Variants in PLCZ1 observed in about 807,000 individuals in gnomAD.
The protein encoded by PLCZ1 is phospholipase C zeta 1.
A neutral mutation model predicts 76.8 loss-of-function variants in PLCZ1; 64 were observed. The observed-to-expected ratio is 0.83, with a 90% CI of 0.68 to 1.03. The LOEUF (loss-of-function observed/expected upper bound fraction) is 1.03, where lower values mean the gene tolerates loss of function less well. Among genes scored for constraint, PLCZ1 ranks in the 50% least tolerant of loss-of-function variants. The pLI, the probability that PLCZ1 is intolerant of heterozygous loss-of-function variation, is 0.00. For synonymous variants in PLCZ1, 248 were observed against 230.8 expected (o/e 1.07, Z -0.68); for missense variants, 751 against 713.7 (o/e 1.05, Z -0.60).
At chr12:18,658,083 C>T in the PLCZ1 span, among the ~76,000 whole-genome samples, 1 of 152,018 alleles carries the variant, frequency 6.6e-6, no homozygotes, top group African/African-American at 2.4e-5. Flanking sequence ...TTCAGCAGTA[C>T]ACTTGAGCAG....
intron 7 of PLCZ1, among the ~76,000 whole-genome samples, chr12:18,703,774 C>T (rs754785787): frequency 1.3e-5 from 2 of 152,114 alleles, no homozygotes; most frequent in Non-Finnish European, 1.5e-5. Flanking sequence ...TCTTTGCTGT[C>T]TTGTGTGTCC....
intron 3 of PLCZ1, among the ~76,000 whole-genome samples, chr12:18,728,892 C>T (rs1289877644): frequency 6.6e-6 from 1 of 151,832 alleles, no homozygotes; most frequent in Admixed American, 6.6e-5. Flanking sequence ...TGTGGAGGAC[C>T]AACTAAAGTA....
chr12:18,651,107 T>C, the PLCZ1 span, among the ~76,000 whole-genome samples: 1 of 152,050 alleles, frequency 6.6e-6, no homozygotes, highest in African/African-American at 2.4e-5. Context: ...ATTTTAACTC[T>C]TATTATATCC....
chr12:18,713,827 T>C (rs1957625556), intron 5 of PLCZ1: 1 of 152,180 alleles, frequency 6.6e-6, no homozygotes, highest in Non-Finnish European at 1.5e-5. Context: ...TTTTTCTACC[T>C]AAAAAATAAA....
the PLCZ1 span, among the ~76,000 whole-genome samples, chr12:18,668,795 C>T: frequency 6.6e-6 from 1 of 152,126 alleles, no homozygotes; most frequent in Non-Finnish European, 1.5e-5. Flanking sequence ...TCACCTCAGG[C>T]CTGCCCAGCT....
chr12:18,659,440 G>A, the PLCZ1 span, among the ~76,000 whole-genome samples: 1 of 152,132 alleles, frequency 6.6e-6, no homozygotes, highest in Non-Finnish European at 1.5e-5. Context: ...TGCATACTTA[G>A]AGATGATGTT....
At chr12:18,659,527 G>A in the PLCZ1 span, among the ~76,000 whole-genome samples, 1 of 152,012 alleles carries the variant, frequency 6.6e-6, no homozygotes, top group Non-Finnish European at 1.5e-5. Flanking sequence ...ATCATTTAAT[G>A]CATAGACTTC....
chr12:18,719,392 T>A, intron 5 of PLCZ1, 39 bp downstream of exon 5: 1 of 1,235,362 alleles, frequency 8.1e-7, no homozygotes, highest in Non-Finnish European at 1.1e-6. Flanking sequence ...AACTTCCAAG[T>A]ATTTTTAAAT....
chr12:18,662,939 A>G, the PLCZ1 span, among the ~76,000 whole-genome samples: 1 of 152,142 alleles, frequency 6.6e-6, no homozygotes, highest in African/African-American at 2.4e-5. Flanking sequence ...CAAAGATAAC[A>G]ATTAGGACTA....
the PLCZ1 span, among the ~76,000 whole-genome samples, chr12:18,650,327 C>CTATATATATA: frequency 1.3e-5 from 1 of 79,760 alleles, no homozygotes; most frequent in African/African-American, 5.2e-5. Flanking sequence ...CTCTCTCTCT[C>CTATATATATA]TCTCTATATA....
At chr12:18,694,656 T>G (rs1435132300) in intron 12 of PLCZ1, among the ~76,000 whole-genome samples, 1 of 152,086 alleles carries the variant, frequency 6.6e-6, no homozygotes, top group Non-Finnish European at 1.5e-5. Flanking sequence ...AATCATATAG[T>G]AGAACTTTGA....
At chr12:18,647,969 C>T in the PLCZ1 span, 1 of 1,601,714 alleles carries the variant, frequency 6.2e-7, no homozygotes, top group East Asian at 2.3e-5. Context: ...TAACATCCGA[C>T]TCTGTAGTGT....
chr12:18,730,240 G>A (rs1218965661), intron 3 of PLCZ1, among the ~76,000 whole-genome samples: 1 of 150,936 alleles, frequency 6.6e-6, no homozygotes, highest in African/African-American at 2.4e-5. Context: ...TCCATAAAAT[G>A]AGAAAAAATT....
chr12:18,683,606 C>T, intron 14 of PLCZ1: 1 of 1,428,132 alleles, frequency 7.0e-7, no homozygotes, highest in Non-Finnish European at 9.3e-7. Context: ...TTCAGGAAGA[C>T]CTGTTTCCTA....
chr12:18,693,929 A>G (rs992634112), intron 12 of PLCZ1: 89 of 1,524,154 alleles, frequency 5.8e-5, no homozygotes, highest in Non-Finnish European at 8.0e-5. Flanking sequence ...CGACTTGATC[A>G]TGGCTAAAGA....
At chr12:18,662,794 A>C in the PLCZ1 span, among the ~76,000 whole-genome samples, 5 of 152,132 alleles carry the variant, frequency 3.3e-5, no homozygotes, top group Admixed American at 2.6e-4. Flanking sequence ...GAGAGTTATA[A>C]CTTTAGCATG....
At chr12:18,713,313 C>T (rs1226465713) in intron 5 of PLCZ1, among the ~76,000 whole-genome samples, 1 of 152,090 alleles carries the variant, frequency 6.6e-6, no homozygotes, top group East Asian at 1.9e-4. Flanking sequence ...CATCCCTACT[C>T]CCAACCCATA....
At chr12:18,691,346 G>T (rs944694742) in intron 12 of PLCZ1, among the ~76,000 whole-genome samples, 1 of 152,076 alleles carries the variant, frequency 6.6e-6, no homozygotes, top group African/African-American at 2.4e-5. Context: ...GATTAAGGAG[G>T]TAAGGATGCT....
In PLCZ1 at chr12:18,696,262, A is replaced by G. The variant is rs1344919650; in HGVS notation, c.1179T>C (p.His393=). The change falls in exon 11 of 15, where the codon CAT becomes CAC. Residue 393 remains histidine (H), a synonymous_variant. Coordinates refer to ENST00000266505, the MANE Select transcript of PLCZ1 (RefSeq NM_033123.4). ...QARKLSKLRV[H]EFIFHTRKFI... is the part of the protein sequence containing the mutation. Reference sequence around the variant, plus strand: ...ACTTCCTGGTGTGAAAAATAAACTCATGGACTGAAAAAGAATAATTAAAAC... The same window carrying G: ...ACTTCCTGGTGTGAAAAATAAACTCGTGGACTGAAAAAGAATAATTAAAAC... The G allele has an allele frequency of 4.0e-6, 6 of 1,511,530 alleles. No individual in the cohort carries two copies. The highest frequency in any genetic ancestry group is 1.7e-5 in the Admixed American group (1 of 58,042). 93.6% of individuals were successfully genotyped at this position (1,511,530 alleles called of 1,614,324 possible).
Sources: gnomAD v4.1 joint callset for allele counts (sites outside exome capture counted in the v4.1 genomes callset) on GRCh38, gnomAD v4.1.1 for gene constraint, MANE v1.5 for transcripts, NCBI Gene and HGNC (gene_info 2026-07-23, HGNC 2026-07-21) for gene names.